The following CAMTA1 variants were observed in gnomAD, a reference collection of about 807,000 sequenced individuals.
CAMTA1 encodes the protein calmodulin binding transcription activator 1.
Under a neutral mutation model 170.9 loss-of-function variants are expected in CAMTA1, and 27 were observed. The ratio of observed to expected loss-of-function variants is 0.16; its 90% CI spans 0.12 to 0.22. The LOEUF (loss-of-function observed/expected upper bound fraction) is 0.22, where lower values mean the gene tolerates loss of function less well. Among genes scored for constraint, CAMTA1 ranks in the 10% least tolerant of loss-of-function variants. The probability of loss-of-function intolerance (pLI) is 1.00; values close to 1 mark genes in which losing one functional copy is unlikely to be tolerated. For missense variants in CAMTA1, 1,619 were observed against 2,217.2 expected, an observed-to-expected ratio of 0.73 and a Z score of 5.42; for synonymous variants, 833 against 891.5, an observed-to-expected ratio of 0.93 and a Z score of 1.17.
At position 7,677,671 on chromosome 1, in the gene CAMTA1, A is replaced by G; in HGVS notation, c.2852A>G (p.Glu951Gly). The G allele has an allele frequency of 6.2e-7, 1 of 1,614,130 alleles. No homozygotes were observed. ...ATCATCTCCAACTCGGTGGTGTTTG[A>G]GTACAAAGCCCGGGCTCTGCCCACG... ...NQIISNSVVF[E>G]YKARALPTLP... The change falls in exon 11 of 23, where the codon GAG (glutamate) becomes GGG (glycine). Residue 951 changes from glutamate (E) to glycine (G), a missense_variant. Transcript: ENST00000303635.
Position 7,642,864 on chromosome 1 carries a change from C to T in CAMTA1, c.664+2311C>T, listed in dbSNP as rs1158266484. On this transcript the variant is annotated intron_variant, in intron 7 of 22. Transcript: ENST00000303635. This position sits in a 1 kb window ranked among gnomAD's most constrained non-coding sequence, Gnocchi z 6.3. ...CCATCTCAGGGGGCCCGGCTCAGCT[C>T]CTCCACCCCTGCACACCATGTCCAA... Among the ~76,000 whole-genome samples, 1 of 152,184 alleles carries T rather than the reference C, an allele frequency of 6.6e-6. No individual in the cohort carries two copies. Among genetic ancestry groups the T allele is most frequent in the African/African-American group, 2.4e-5 (1 of 41,458 alleles).
rs1031256279 is a variant in CAMTA1, at chr1:7,431,040, C to G, written c.439-36790C>G. ...CATAGTTTTCCAACTCACAATTCTT[C>G]TAACCTTGTGATGACAGTTAAGAAA... On this transcript the variant is annotated intron_variant, in intron 5 of 22. Coordinates refer to ENST00000303635, the MANE Select transcript of CAMTA1 (RefSeq NM_015215.4). Among the ~76,000 whole-genome samples the G allele has an allele frequency of 2.2e-4, 33 of 152,362 alleles. 1 individual carries two copies. The Middle Eastern group carries it at 0.01, about 47-fold the overall frequency.
chr1:7,601,375 AG>A (rs1384037786), intron 6 of CAMTA1, among the ~76,000 whole-genome samples: 2 of 148,894 alleles, frequency 1.3e-5, no homozygotes, highest in Admixed American at 1.3e-4. Context: ...CCCACATCTC[AG>A]ACGATGGGCG....
chr1:7,762,954 A>G (rs2794665), intron 22 of CAMTA1, among the ~76,000 whole-genome samples: 110,875 of 152,096 alleles, frequency 0.73, 40,999 homozygotes, highest in East Asian at 0.96. Flanking sequence ...AAAGTCTTTT[A>G]GAAAAAACAA....
intron 5 of CAMTA1, among the ~76,000 whole-genome samples, chr1:7,407,679 C>T (rs151227076): frequency 9.7e-4 from 147 of 152,246 alleles, no homozygotes; most frequent in African/African-American, 3.2e-3. Context: ...AGCGCGTCTC[C>T]GTCCAACGCA....
At chr1:7,581,855 G>A (rs2095263434) in intron 6 of CAMTA1, among the ~76,000 whole-genome samples, 1 of 152,210 alleles carries the variant, frequency 6.6e-6, no homozygotes, top group South Asian at 2.1e-4. Context: ...CCTCCTTTAA[G>A]CCATGTCTCA....
intron 4 of CAMTA1, among the ~76,000 whole-genome samples, chr1:7,139,429 C>T (rs1645763444): frequency 6.6e-6 from 1 of 151,406 alleles, no homozygotes; most frequent in African/African-American, 2.4e-5. Flanking sequence ...AAAACCCTCT[C>T]CGAGGCTGTG....
At chr1:7,058,638 A>C (rs2101711464) in intron 3 of CAMTA1, among the ~76,000 whole-genome samples, 1 of 152,272 alleles carries the variant, frequency 6.6e-6, no homozygotes, top group South Asian at 2.1e-4. Context: ...CAGGCACAGA[A>C]TCCACTGAAG....
At chr1:7,578,098 C>T (rs76004255) in intron 6 of CAMTA1, among the ~76,000 whole-genome samples, 1,713 of 152,318 alleles carry the variant, frequency 0.011, 37 homozygotes, top group African/African-American at 0.038. Flanking sequence ...ATGTTCCTAA[C>T]GCATTTGACT....
intron 3 of CAMTA1, among the ~76,000 whole-genome samples, chr1:6,931,030 C>T (rs1684317644): frequency 1.3e-5 from 2 of 152,226 alleles, no homozygotes; most frequent in South Asian, 4.1e-4. Flanking sequence ...CATAAGGGCC[C>T]TTCCCTGGGG....
intron 4 of CAMTA1, among the ~76,000 whole-genome samples, chr1:7,120,001 A>G (rs1644549109): frequency 6.6e-6 from 1 of 151,994 alleles, no homozygotes; most frequent in Non-Finnish European, 1.5e-5. Flanking sequence ...AATCCTTACA[A>G]CCACCCCGAG....
At chr1:7,603,362 T>A (rs1389167976) in intron 6 of CAMTA1, among the ~76,000 whole-genome samples, 4 of 152,242 alleles carry the variant, frequency 2.6e-5, no homozygotes, top group Admixed American at 1.3e-4. Flanking sequence ...TGAATCTGGG[T>A]GCTCCTGTAT....
At chr1:7,156,962 C>G (rs1374105760) in intron 4 of CAMTA1, among the ~76,000 whole-genome samples, 1 of 152,168 alleles carries the variant, frequency 6.6e-6, no homozygotes, top group Non-Finnish European at 1.5e-5. Context: ...AATTCCCAAT[C>G]ACCTCTCTGT....
chr1:6,938,885 A>G (rs1459951529), intron 3 of CAMTA1, among the ~76,000 whole-genome samples: 1 of 152,128 alleles, frequency 6.6e-6, no homozygotes, highest in Non-Finnish European at 1.5e-5. Flanking sequence ...GAAGATGGAG[A>G]CGTGTCACAT....
Position 7,398,191 on chromosome 1 carries a change from CTCTATATATATATATATA to C in CAMTA1, c.439-69637_439-69620del, listed in dbSNP as rs1457915252. 3.5e-3 allele frequency among the ~76,000 whole-genome samples: 94 copies of C among 26,900 alleles called. 1 individual carries two copies. The highest frequency in any genetic ancestry group is 7.0e-3 in the African/African-American group (44 of 6,264). The allele number at this position is 26,900 out of a possible 152,430, so 17.6% of individuals were successfully genotyped here. A position where few individuals can be genotyped will look rare whatever the true frequency, so the allele number is the denominator to read the frequency against. The stretch of plus-strand genomic sequence containing the variant: ...TCTCTCTCTCTCTCTCTCTCTCTCT[CTCTATATATATATATATA>C]TATATATATATATATATATATATAT... On this transcript the variant is annotated intron_variant, in intron 5 of 22. Coordinates refer to ENST00000303635, the MANE Select transcript of CAMTA1 (RefSeq NM_015215.4).
chr1:7,586,178 G>A (rs1576243809), intron 6 of CAMTA1, among the ~76,000 whole-genome samples: 1 of 152,210 alleles, frequency 6.6e-6, no homozygotes, highest in Non-Finnish European at 1.5e-5. Context: ...AGGGCCCCGG[G>A]CACCCTCCAG....
At chr1:7,345,619 G>C (rs1460693117) in intron 5 of CAMTA1, among the ~76,000 whole-genome samples, 1 of 152,212 alleles carries the variant, frequency 6.6e-6, no homozygotes, top group East Asian at 1.9e-4. Flanking sequence ...TGGGGTGCCA[G>C]TCCTGGGAAT....
chr1:7,560,794 G>T (rs756339030), intron 6 of CAMTA1, among the ~76,000 whole-genome samples: 1 of 151,976 alleles, frequency 6.6e-6, no homozygotes, highest in Non-Finnish European at 1.5e-5. Flanking sequence ...TGAGAACATG[G>T]GACTCGGGGC....
intron 6 of CAMTA1, among the ~76,000 whole-genome samples, chr1:7,501,947 G>C (rs950200561): frequency 2.6e-5 from 4 of 152,224 alleles, no homozygotes; most frequent in Non-Finnish European, 4.4e-5. Flanking sequence ...GGGACCCCTG[G>C]TGTTTGCAGC....
Sources: allele counts gnomAD v4.1 joint callset (sites outside exome capture counted in the v4.1 genomes callset), GRCh38; gene constraint gnomAD v4.1.1; non-coding constraint Gnocchi (gnomAD v3.1); transcripts MANE v1.5; gene names NCBI Gene and HGNC (gene_info 2026-07-23, HGNC 2026-07-21).